The following SNX29 variants were observed in gnomAD, a reference collection of about 807,000 sequenced individuals.
The protein encoded by SNX29 is sorting nexin-29.
Under a neutral mutation model 102.1 loss-of-function variants are expected in SNX29, and 78 were observed. The observed-to-expected ratio is 0.76, with a 90% CI of 0.64 to 0.92. The LOEUF (loss-of-function observed/expected upper bound fraction) is 0.92, where lower values mean the gene tolerates loss of function less well. Ranked by LOEUF, SNX29 falls within the 40% of genes least tolerant of loss-of-function variation. SNX29 has a pLI of 0.00. For synonymous variants in SNX29, 580 were observed against 414.5 expected, an observed-to-expected ratio of 1.40 and a Z score of -4.85; for missense variants, 1,280 against 1,061.7, an observed-to-expected ratio of 1.21 and a Z score of -2.86.
chr16:12,407,557 A>G (rs2084216510), intron 18 of SNX29, among the ~76,000 whole-genome samples: 1 of 152,256 alleles, frequency 6.6e-6, no homozygotes, highest in Non-Finnish European at 1.5e-5. Flanking sequence ...ATAAAGGAAC[A>G]GATAGACTGT....
intron 14 of SNX29, among the ~76,000 whole-genome samples, chr16:12,230,101 A>G (rs140231151): frequency 6.6e-6 from 1 of 152,340 alleles, no homozygotes; most frequent in African/African-American, 2.4e-5. Flanking sequence ...GCCCGGATTT[A>G]GCCTCAGGGC....
chr16:12,566,063 G>C (rs1373774399), intron 20 of SNX29, among the ~76,000 whole-genome samples: 7 of 152,204 alleles, frequency 4.6e-5, no homozygotes, highest in Non-Finnish European at 7.3e-5. Context: ...GTTGCCCATT[G>C]TCTCTCTAGG....
intron 14 of SNX29, among the ~76,000 whole-genome samples, chr16:12,248,564 A>G (rs1430082463): frequency 6.6e-6 from 1 of 151,588 alleles, no homozygotes; most frequent in South Asian, 2.1e-4. Flanking sequence ...TAGTTTTTGT[A>G]TTTTTAGTAG....
intron 8 of SNX29, 80 bp downstream of exon 8, chr16:12,052,302 C>T (rs2050340926): frequency 2.0e-6 from 3 of 1,507,018 alleles, no homozygotes. Flanking sequence ...CTGCAACCTC[C>T]ACCTCCCGGG....
intron 18 of SNX29, among the ~76,000 whole-genome samples, chr16:12,426,589 A>T (rs1376312585): frequency 6.6e-6 from 1 of 152,256 alleles, no homozygotes; most frequent in Non-Finnish European, 1.5e-5. Flanking sequence ...AGCCAATAAA[A>T]ATGGTGATGT....
chr16:12,540,421 A>G (rs1597833394), intron 20 of SNX29, among the ~76,000 whole-genome samples: 1 of 152,238 alleles, frequency 6.6e-6, no homozygotes, highest in Admixed American at 6.5e-5. Context: ...CTACAGATTT[A>G]TTCTCCAGCT....
chr16:12,559,470 A>G (rs897797369), intron 20 of SNX29, among the ~76,000 whole-genome samples: 22 of 151,788 alleles, frequency 1.4e-4, no homozygotes, highest in African/African-American at 5.1e-4. Context: ...TGAGTTGTGT[A>G]ATTTTTTCCA....
chr16:12,534,343 C>G (rs567566349), intron 20 of SNX29, among the ~76,000 whole-genome samples: 276 of 152,334 alleles, frequency 1.8e-3, no homozygotes, highest in African/African-American at 6.5e-3. Context: ...ATGTCCTGGT[C>G]TTTGGAGAGG....
chr16:12,215,026 C>T (rs1011413257), intron 14 of SNX29, among the ~76,000 whole-genome samples: 3 of 152,158 alleles, frequency 2.0e-5, no homozygotes, highest in East Asian at 1.9e-4. Context: ...TATCAGTAGA[C>T]ATTTGATGAA....
intron 3 of SNX29, among the ~76,000 whole-genome samples, chr16:12,007,851 A>T (rs2056508620): frequency 6.6e-6 from 1 of 152,216 alleles, no homozygotes; most frequent in Non-Finnish European, 1.5e-5. Context: ...AGAAAGACCC[A>T]CGTCCTTAAC....
At chr16:12,505,854 G>T (rs2089353744) in intron 19 of SNX29, among the ~76,000 whole-genome samples, 1 of 149,960 alleles carries the variant, frequency 6.7e-6, no homozygotes, top group African/African-American at 2.5e-5. Flanking sequence ...GCATCTTCAT[G>T]ATATTAAGTC....
rs190862010 is a variant in SNX29 at position 12,183,407 on chromosome 16, T to A, written c.1596-16194T>A. 2.4e-3 allele frequency among the ~76,000 whole-genome samples: 360 copies of A among 152,302 alleles called. 1 individual carries two copies. Among genetic ancestry groups the A allele is most frequent in the Non-Finnish European group, 3.9e-3 (263 of 68,024 alleles). ...GGATGTACCTACCGTCCACCTAGAT[T>A]TACCAACTTTTTTTTTTGCATATTT... is the stretch of plus-strand genomic sequence containing the variant. On this transcript the variant is annotated intron_variant, in intron 13 of 20. Transcript: ENST00000566228.
Position 12,356,971 on chromosome 16 carries a change from C to T in SNX29, c.1899+692C>T, listed in dbSNP as rs12103066. ...TTCGCTGATCTAGATCACCTACTTG[C>T]TTGGTTCTGTAGTTCTCTGTTGAAT... is the stretch of plus-strand genomic sequence containing the variant. On this transcript the variant is annotated intron_variant, in intron 16 of 20. Coordinates refer to ENST00000566228, the MANE Select transcript of SNX29 (RefSeq NM_032167.5). Among the ~76,000 whole-genome samples, 168 of 152,298 alleles carry T rather than the reference C, an allele frequency of 1.1e-3. 1 individual carries two copies. The highest frequency in any genetic ancestry group is 3.9e-3 in the African/African-American group (162 of 41,566).
At chr16:12,423,695 C>T (rs984103887) in intron 18 of SNX29, among the ~76,000 whole-genome samples, 6 of 152,126 alleles carry the variant, frequency 3.9e-5, no homozygotes, top group African/African-American at 1.2e-4. Context: ...CTCAGCCTCC[C>T]GAATAGCTGG....
intron 11 of SNX29, among the ~76,000 whole-genome samples, chr16:12,092,574 G>C (rs2052601302): frequency 6.6e-6 from 1 of 152,178 alleles, no homozygotes; most frequent in Non-Finnish European, 1.5e-5. Context: ...CAGTGAATGG[G>C]AACACTTGGT....
chr16:12,071,488 G>A (rs1166823182), intron 10 of SNX29, among the ~76,000 whole-genome samples: 9 of 152,056 alleles, frequency 5.9e-5, no homozygotes, highest in Admixed American at 2.6e-4. Flanking sequence ...GTAGGTATGC[G>A]GCATTATTTC....
At chr16:12,324,696 A>G (rs1010148516) in intron 15 of SNX29, among the ~76,000 whole-genome samples, 3 of 152,034 alleles carry the variant, frequency 2.0e-5, no homozygotes, top group East Asian at 1.9e-4. Flanking sequence ...TTAAAGCTCT[A>G]TTCTCGGCCC....
At chr16:12,468,680 C>T (rs2087190809) in intron 18 of SNX29, among the ~76,000 whole-genome samples, 1 of 152,200 alleles carries the variant, frequency 6.6e-6, no homozygotes. Context: ...TTTTGTTCTC[C>T]ATGATAGCCC....
At chr16:12,055,431 C>T (rs1302882624) in intron 8 of SNX29, among the ~76,000 whole-genome samples, 1 of 151,964 alleles carries the variant, frequency 6.6e-6, no homozygotes, top group African/African-American at 2.4e-5. Context: ...GGGTTTTACC[C>T]TGTTGGCCAG....
Sources: allele counts gnomAD v4.1 joint callset (sites outside exome capture counted in the v4.1 genomes callset), GRCh38; gene constraint gnomAD v4.1.1; transcripts MANE v1.5; gene names NCBI Gene and HGNC (gene_info 2026-07-23, HGNC 2026-07-21).